CHERP: variants seen among roughly 807,000 people sequenced by gnomAD.
CHERP encodes ERPROT 213-21.
Under a neutral mutation model 113.8 loss-of-function variants are expected in CHERP, and 8 were observed. The ratio of observed to expected loss-of-function variants is 0.07; its 90% CI spans 0.04 to 0.13. The LOEUF (loss-of-function observed/expected upper bound fraction) is 0.13. CHERP is among the 10% of genes least tolerant of loss of function. CHERP has a pLI of 1.00. For synonymous variants in CHERP, 559 were observed against 524.5 expected (o/e 1.07, Z -0.90); for missense variants, 884 against 1,298.2 (o/e 0.68, Z 4.90).
Position 16,525,197 on chromosome 19 carries a change from C to A in CHERP, c.1741+45G>T. The A allele has an allele frequency of 7.2e-7, 1 of 1,387,056 alleles. No individual in the cohort carries two copies. Among genetic ancestry groups the A allele is most frequent in the East Asian group, 2.9e-5 (1 of 34,702 alleles). 85.9% of individuals were successfully genotyped at this position (1,387,056 alleles called of 1,614,324 possible). A position where few individuals can be genotyped will look rare whatever the true frequency, so the allele number is the denominator to read the frequency against. Reference sequence around the variant, plus strand: ...CCACCAGCCTGCTCGGCAGGCGAGCCGTGGATGCCTCCGCCAGGCCCTACC... The same window carrying A: ...CCACCAGCCTGCTCGGCAGGCGAGCAGTGGATGCCTCCGCCAGGCCCTACC... On this transcript the variant is annotated intron_variant, in intron 10 of 16. Coordinates refer to ENST00000546361, the MANE Select transcript of CHERP (RefSeq NM_006387.6). The surrounding 1 kb of genome is among the most constrained non-coding windows in gnomAD (Gnocchi z 6.5).
Position 16,535,440 on chromosome 19 carries a change from G to T in CHERP, c.384+12C>A, listed in dbSNP as rs771752904. 1.2e-6 allele frequency: 2 copies of T among 1,605,106 alleles called. No homozygotes were observed. The highest frequency in any genetic ancestry group is 2.2e-5 in the South Asian group (2 of 89,670). On this transcript the variant is annotated intron_variant, in intron 3 of 16. Coordinates refer to ENST00000546361, the MANE Select transcript of CHERP (RefSeq NM_006387.6). The surrounding 1 kb of genome is among the most constrained non-coding windows in gnomAD (Gnocchi z 4.3). ...CTGCTGGTGTCTGGCCGAGGAGGCGGCGGGCCCATACCTGTCTGAGCGCCA... is the reference window on the plus strand; with the variant it reads ...CTGCTGGTGTCTGGCCGAGGAGGCGTCGGGCCCATACCTGTCTGAGCGCCA...
chr19:16,529,560 G>C (rs2085682409), intron 8 of CHERP, 88 bp downstream of exon 8: 2 of 1,441,016 alleles, frequency 1.4e-6, no homozygotes, highest in African/African-American at 2.8e-5. Context: ...CTGAGTCTGA[G>C]GGTGGCAGAC....
At chr19:16,538,896 G>T (rs2085758611) in intron 2 of CHERP, among the ~76,000 whole-genome samples, 1 of 151,642 alleles carries the variant, frequency 6.6e-6, no homozygotes, top group Admixed American at 6.6e-5. Flanking sequence ...ATATGCAACT[G>T]GCGCCCAAGT....
chr19:16,525,506 C>T lies in CHERP; in HGVS notation c.1477G>A (p.Glu493Lys). The change falls in exon 10 of 17, where the codon GAG becomes AAG. Residue 493 changes from glutamate (E) to lysine (K), a missense_variant. Transcript: ENST00000546361. This position sits in a 1 kb window ranked among gnomAD's most constrained non-coding sequence, Gnocchi z 6.5. ...TCGTGCTGGCTGTTCCAGGGGCCCTCGAACTGGCTGTTCCAGGCGGCGTCG... is the reference window on the plus strand; with the variant it reads ...TCGTGCTGGCTGTTCCAGGGGCCCTTGAACTGGCTGTTCCAGGCGGCGTCG... ...QPDAAWNSQFEGPWNSQHEQP... is the reference protein window; with the variant it reads ...QPDAAWNSQFKGPWNSQHEQP... 3 of 1,552,592 alleles carry T rather than the reference C, an allele frequency of 1.9e-6. No homozygotes were observed. The highest frequency in any genetic ancestry group is 2.4e-5 in the East Asian group (1 of 41,334).
rs996881541 is a variant in CHERP at position 16,542,393 on chromosome 19, G to A, written c.-15C>T. On this transcript the variant is annotated 5_prime_UTR_variant, in exon 1 of 17. Coordinates refer to ENST00000546361, the MANE Select transcript of CHERP (RefSeq NM_006387.6). The stretch of plus-strand genomic sequence containing the variant: ...GGCATCTCCATGGCTCCGGCCGCGG[G>A]GAACGTCCTCCGGCGCCACACGATC... 2 of 1,361,198 alleles carry A rather than the reference G, an allele frequency of 1.5e-6. No homozygotes were observed. The highest frequency in any genetic ancestry group is 1.9e-6 in the Non-Finnish European group (2 of 1,049,496). 84.3% of individuals were successfully genotyped at this position (1,361,198 alleles called of 1,614,324 possible).
In CHERP at chr19:16,535,340, CA is replaced by C. The variant is rs1455692339; in HGVS notation, c.384+111del. 5.5e-5 allele frequency: 65 copies of C among 1,172,190 alleles called. No individual in the cohort carries two copies. The highest frequency in any genetic ancestry group is 7.7e-5 in the East Asian group (3 of 38,890). 72.6% of individuals were successfully genotyped at this position (1,172,190 alleles called of 1,614,324 possible). ...CTGACATGCACCGAGCCCTGGGTGG[CA>C]GGGGGGGCCCTGTCCTCACTGACAC... On this transcript the variant is annotated intron_variant, in intron 3 of 16. Coordinates refer to ENST00000546361, the MANE Select transcript of CHERP (RefSeq NM_006387.6). This position sits in a 1 kb window ranked among gnomAD's most constrained non-coding sequence, Gnocchi z 4.3.
At position 16,525,586 on chromosome 19, in the gene CHERP, T is replaced by C. The variant is rs1216481089; in HGVS notation, c.1397A>G (p.Gln466Arg). The C allele has an allele frequency of 2.6e-6, 4 of 1,538,204 alleles. No homozygotes were observed. The highest frequency in any genetic ancestry group is 8.7e-7 in the Non-Finnish European group (1 of 1,145,242). ...GCCGTTCCAGCCGGGGTCACCGCGC[T>C]GCTCGCCCCACATGCCCTCATGGCT... ...NNSHEGMWGE[Q>R]RGDPGWNGQR... Residue 466 changes from glutamine (Q) to arginine (R), a missense_variant, in exon 10 of 17, where the codon CAG becomes CGG. By Grantham distance (43) the Gln-to-Arg change is conservative. Around this residue, in one of 8 missense-constraint regions of CHERP, gnomAD observed 464 missense variants for 590.1 expected, o/e 0.79. Coordinates refer to ENST00000546361, the MANE Select transcript of CHERP (RefSeq NM_006387.6). The surrounding 1 kb of genome is among the most constrained non-coding windows in gnomAD (Gnocchi z 6.5).
At position 16,535,408 on chromosome 19, in the gene CHERP, A is replaced by G. The variant is rs371983617; in HGVS notation, c.384+44T>C. The stretch of plus-strand genomic sequence containing the variant: ...TGAGCAGACGCAAAAACAGAGGCAC[A>G]GGGGAGCTGCTGGTGTCTGGCCGAG... On this transcript the variant is annotated intron_variant, in intron 3 of 16. Coordinates refer to ENST00000546361, the MANE Select transcript of CHERP (RefSeq NM_006387.6). This position sits in a 1 kb window ranked among gnomAD's most constrained non-coding sequence, Gnocchi z 4.3. 3.4e-5 allele frequency: 54 copies of G among 1,583,040 alleles called. No homozygotes were observed. In the African/African-American group the frequency reaches 6.7e-4, roughly 20 times the overall value.
chr19:16,538,185 T>C (rs890144656), intron 2 of CHERP, among the ~76,000 whole-genome samples: 3 of 151,736 alleles, frequency 2.0e-5, no homozygotes, highest in Non-Finnish European at 4.4e-5. Context: ...CTCCAACTCC[T>C]CCCCAAGCCA....
intron 5 of CHERP, among the ~76,000 whole-genome samples, chr19:16,531,186 C>T (rs928394403): frequency 1.3e-5 from 2 of 152,186 alleles, no homozygotes; most frequent in Non-Finnish European, 2.9e-5. Context: ...GGTGGCGCTG[C>T]GGGTGAAGGG....
At chr19:16,538,040 T>G (rs2085753085) in intron 2 of CHERP, among the ~76,000 whole-genome samples, 1 of 152,022 alleles carries the variant, frequency 6.6e-6, no homozygotes, top group African/African-American at 2.4e-5. Context: ...AGGCGTGGGG[T>G]GCAGAACTGG....
rs2085593584 is a variant in CHERP, at chr19:16,519,978, C to T, written c.2462+171G>A. 9 of 746,690 alleles carry T rather than the reference C, an allele frequency of 1.2e-5. No homozygotes were observed. The highest frequency in any genetic ancestry group is 7.7e-5 in the East Asian group (3 of 38,878). The allele number at this position is 746,690 out of a possible 1,614,324, so 46.3% of individuals were successfully genotyped here. A position where few individuals can be genotyped will look rare whatever the true frequency, so the allele number is the denominator to read the frequency against. On this transcript the variant is annotated intron_variant, in intron 15 of 16. Transcript: ENST00000546361. This position sits in a 1 kb window ranked among gnomAD's most constrained non-coding sequence, Gnocchi z 6.0. ...TTAGAAAGCAGACCCCAGTTACTGCCTCAGGCTTCGCCAAGTGGCTACTGT... is the reference window on the plus strand; with the variant it reads ...TTAGAAAGCAGACCCCAGTTACTGCTTCAGGCTTCGCCAAGTGGCTACTGT...
At chr19:16,521,248 G>C (rs957994776) in intron 12 of CHERP, 1 of 568,968 alleles carries the variant, frequency 1.8e-6, no homozygotes, top group Non-Finnish European at 3.1e-6. Context: ...ACTGGGAAGG[G>C]TGGGCTGAGG....
chr19:16,527,165 G>A (rs987201177), intron 9 of CHERP, among the ~76,000 whole-genome samples: 1 of 152,180 alleles, frequency 6.6e-6, no homozygotes, highest in Non-Finnish European at 1.5e-5. Flanking sequence ...CCTCTGGTCT[G>A]CAAAAAGACT....
At chr19:16,540,020 A>C (rs2085767687) in intron 2 of CHERP, 1 of 152,054 alleles carries the variant, frequency 6.6e-6, no homozygotes, top group African/African-American at 2.4e-5. Flanking sequence ...TTTCTTGTTC[A>C]AGAAACTGCC....
At chr19:16,528,397 T>A (rs1273874059) in intron 8 of CHERP, 142 bp from the exon 9 acceptor site, 10 of 743,808 alleles carry the variant, frequency 1.3e-5, no homozygotes, top group Non-Finnish European at 1.0e-5. Context: ...ACCATGACTA[T>A]CACTGGCTTC....
At chr19:16,538,296 C>T (rs2085754684) in intron 2 of CHERP, among the ~76,000 whole-genome samples, 2 of 152,234 alleles carry the variant, frequency 1.3e-5, no homozygotes, top group South Asian at 4.1e-4. Context: ...CCTCCAAGGG[C>T]TCCTTCCTCT....
chr19:16,533,004 C>A lies in CHERP; in HGVS notation c.522+7G>T. The A allele has an allele frequency of 6.4e-7, 1 of 1,563,444 alleles. No homozygotes were observed. Among genetic ancestry groups the A allele is most frequent in the South Asian group, 1.2e-5 (1 of 85,116 alleles). ...AAGCTGGGCTCTGGGAAGTGCTGGC[C>A]CCTCACCGAGATGGCGTCCTTGGTG... On this transcript the variant is annotated splice_region_variant and intron_variant, in intron 4 of 16. Transcript: ENST00000546361.
At position 16,520,761 on chromosome 19, in the gene CHERP, T is replaced by C. The variant is rs540435876; in HGVS notation, c.2201+65A>G. The C allele has an allele frequency of 5.4e-6, 8 of 1,477,654 alleles. No homozygotes were observed. Among genetic ancestry groups the C allele is most frequent in the African/African-American group, 1.4e-5 (1 of 72,218 alleles). 91.5% of individuals were successfully genotyped at this position (1,477,654 alleles called of 1,614,324 possible). A position where few individuals can be genotyped will look rare whatever the true frequency, so the allele number is the denominator to read the frequency against. On this transcript the variant is annotated intron_variant, in intron 13 of 16. Coordinates refer to ENST00000546361, the MANE Select transcript of CHERP (RefSeq NM_006387.6). The surrounding 1 kb of genome is among the most constrained non-coding windows in gnomAD (Gnocchi z 4.0). ...GGACGTGATGAGTGTATCTGGGGTCTGCTCCCACCCATCACAAGCTGTGGA... is the reference window on the plus strand; with the variant it reads ...GGACGTGATGAGTGTATCTGGGGTCCGCTCCCACCCATCACAAGCTGTGGA...
Sources: gnomAD v4.1 joint callset for allele counts (sites outside exome capture counted in the v4.1 genomes callset) on GRCh38, gnomAD v4.1.1 for gene constraint, gnomAD v4.1.1 regional missense constraint, Gnocchi (gnomAD v3.1) non-coding constraint, MANE v1.5 for transcripts, NCBI Gene and HGNC (gene_info 2026-07-23, HGNC 2026-07-21) for gene names.